CCDC33: variants seen among roughly 807,000 people sequenced by gnomAD.
CCDC33 encodes the protein coiled-coil domain-containing protein 33.
A neutral mutation model predicts 91.9 loss-of-function variants in CCDC33; 94 were observed. The observed-to-expected ratio is 1.02, with a 90% confidence interval of 0.87 to 1.21. The LOEUF is 1.21. Ranked by LOEUF, CCDC33 falls within the 50% of genes most tolerant of loss-of-function variation. The probability of loss-of-function intolerance (pLI) is 0.00; values close to 1 mark genes in which losing one functional copy is unlikely to be tolerated. For synonymous variants in CCDC33, 396 were observed against 374.5 expected, an observed-to-expected ratio of 1.06 and a Z score of -0.66; for missense variants, 940 against 935.5, an observed-to-expected ratio of 1.00 and a Z score of -0.06.
chr15:74,204,624 C>T (rs556003833), intron 1 of CCDC33, among the ~76,000 whole-genome samples: 1 of 152,348 alleles, frequency 6.6e-6, no homozygotes, highest in African/African-American at 2.4e-5. Flanking sequence ...GGTTAGACAT[C>T]CTTGCCTATC....
rs374176864 is a variant in CCDC33 at position 74,330,368 on chromosome 15, G to A, written c.1456+14G>A. ...CCCAGAACACGGGTGAGGATGTGCAGGCCACCAAGGGCACCCGGGCTTCTG... is the reference window on the plus strand; with the variant it reads ...CCCAGAACACGGGTGAGGATGTGCAAGCCACCAAGGGCACCCGGGCTTCTG... On this transcript the variant is annotated intron_variant, in intron 12 of 18. Coordinates refer to ENST00000398814, the MANE Select transcript of CCDC33 (RefSeq NM_025055.5). The A allele has an allele frequency of 7.7e-6, 12 of 1,558,716 alleles. No homozygotes were observed. Among genetic ancestry groups the A allele is most frequent in the Non-Finnish European group, 1.0e-5 (12 of 1,151,134 alleles).
At chr15:74,222,683 TA>T (rs759169875) in intron 2 of CCDC33, among the ~76,000 whole-genome samples, 1 of 152,080 alleles carries the variant, frequency 6.6e-6, no homozygotes, top group East Asian at 1.9e-4. Context: ...ACCCACTGGC[TA>T]GGGGGCTTTC....
chr15:74,244,020 C>G lies in CCDC33; in HGVS notation c.57C>G (p.Ser19=). 1 of 1,613,660 alleles carries G rather than the reference C, an allele frequency of 6.2e-7. No homozygotes were observed. The change falls in exon 2 of 19, where the codon TCC becomes TCG. Residue 19 remains serine (S), a synonymous_variant. Transcript: ENST00000398814. The surrounding 1 kb of genome is among the most constrained non-coding windows in gnomAD (Gnocchi z 4.2). ...TEDPEEPLIA[S]QSTEPEIGHL... is the part of the protein sequence containing the mutation. Reference sequence around the variant, plus strand: ...ACCCAGAGGAGCCCCTGATCGCCTCCCAGAGCACGGAACCTGAGATCGGTC... The same window carrying G: ...ACCCAGAGGAGCCCCTGATCGCCTCGCAGAGCACGGAACCTGAGATCGGTC...
At chr15:74,247,398 G>A (rs351149) in intron 2 of CCDC33, among the ~76,000 whole-genome samples, 3,669 of 136,174 alleles carry the variant, frequency 0.027, 154 homozygotes, top group African/African-American at 0.11. Flanking sequence ...ACACACACAC[G>A]TCATATACAT....
chr15:74,296,352 C>T (rs976585309), intron 11 of CCDC33, among the ~76,000 whole-genome samples: 5 of 152,182 alleles, frequency 3.3e-5, no homozygotes, highest in South Asian at 2.1e-4. Flanking sequence ...CAGCTGGGCA[C>T]GGTGGCTCAC....
chr15:74,285,514 C>T (rs1396128071), intron 10 of CCDC33, among the ~76,000 whole-genome samples: 2 of 152,232 alleles, frequency 1.3e-5, no homozygotes, highest in Middle Eastern at 3.4e-3. Flanking sequence ...CCCACATGAT[C>T]TCAACCTGCC....
intron 2 of CCDC33, among the ~76,000 whole-genome samples, chr15:74,254,981 C>A (rs2075817756): frequency 6.6e-6 from 1 of 152,234 alleles, no homozygotes; most frequent in South Asian, 2.1e-4. Context: ...CTCCTGATTG[C>A]AGGTGATCCA....
chr15:74,290,413 C>T (rs982949163), intron 10 of CCDC33, among the ~76,000 whole-genome samples: 5 of 152,184 alleles, frequency 3.3e-5, no homozygotes, highest in South Asian at 2.1e-4. Context: ...CCTGACCTCA[C>T]GATCCACCTG....
At chr15:74,250,305 A>G (rs1002222638) in intron 2 of CCDC33, among the ~76,000 whole-genome samples, 2 of 152,142 alleles carry the variant, frequency 1.3e-5, no homozygotes, top group East Asian at 3.9e-4. Context: ...CCCAAAGTAA[A>G]GAGGATTCCA....
At chr15:74,335,901 C>T (rs900802) in intron 18 of CCDC33, 24 bp from the exon 19 acceptor site, 1,037,079 of 1,591,958 alleles carry the variant, frequency 0.65, 345,074 homozygotes, top group Non-Finnish European at 0.69. Context: ...GGGGTACTCA[C>T]GCACCCCGCT....
chr15:74,261,781 A>G (rs2076031133), intron 2 of CCDC33, among the ~76,000 whole-genome samples: 1 of 152,160 alleles, frequency 6.6e-6, no homozygotes, highest in African/African-American at 2.4e-5. Flanking sequence ...GTCCTGAACA[A>G]TCTGAGTGCT....
In CCDC33 at chr15:74,262,420, C is replaced by G; in HGVS notation, c.186-20C>G. ...GACAGAACCCCTCCCTTTGACTCAC[C>G]CTGCCCCTGCTCTCCCCAGGAAAAG... On this transcript the variant is annotated intron_variant, in intron 2 of 18. Coordinates refer to ENST00000398814, the MANE Select transcript of CCDC33 (RefSeq NM_025055.5). The G allele has an allele frequency of 6.2e-7, 1 of 1,613,366 alleles. No homozygotes were observed. Among genetic ancestry groups the G allele is most frequent in the Non-Finnish European group, 8.5e-7 (1 of 1,179,562 alleles).
intron 10 of CCDC33, among the ~76,000 whole-genome samples, chr15:74,294,648 A>G (rs767391239): frequency 5.3e-5 from 8 of 151,718 alleles, no homozygotes; most frequent in Non-Finnish European, 1.2e-4. Flanking sequence ...TCAGGAGGCT[A>G]AGGCAGGAGA....
chr15:74,306,267 G>A (rs753430584), intron 11 of CCDC33, among the ~76,000 whole-genome samples: 1 of 152,124 alleles, frequency 6.6e-6, no homozygotes, highest in Non-Finnish European at 1.5e-5. Flanking sequence ...TGGGGCTCAG[G>A]GTCCTCAGGA....
rs75420461 is a variant in CCDC33, at chr15:74,283,402, G to A, written c.1095+1553G>A. On this transcript the variant is annotated intron_variant, in intron 10 of 18. Transcript: ENST00000398814. The stretch of plus-strand genomic sequence containing the variant: ...GGAGCGTCAGGTGCCCCTGGTCAGG[G>A]GACTGACTAGTGGGCCCAGGCAGGC... 6.2e-3 allele frequency among the ~76,000 whole-genome samples: 939 copies of A among 152,312 alleles called. 8 individuals are homozygous for A. The highest frequency in any genetic ancestry group is 0.058 in the Middle Eastern group (17 of 294).
chr15:74,223,352 T>C (rs1000583092), intron 2 of CCDC33, among the ~76,000 whole-genome samples: 3 of 152,152 alleles, frequency 2.0e-5, no homozygotes. Context: ...AGATCAGGAC[T>C]GCCAGCCCCT....
chr15:74,242,490 G>A (rs1844330138), intron 1 of CCDC33, among the ~76,000 whole-genome samples: 2 of 152,338 alleles, frequency 1.3e-5, no homozygotes, highest in African/African-American at 4.8e-5. Flanking sequence ...GGGTCTGACA[G>A]GCTGAGCTTT....
At chr15:74,282,126 G>C (rs1347968775) in intron 10 of CCDC33, among the ~76,000 whole-genome samples, 1 of 152,220 alleles carries the variant, frequency 6.6e-6, no homozygotes, top group African/African-American at 2.4e-5. Flanking sequence ...GGTTCTGCAA[G>C]GGTGAGCTAG....
chr15:74,208,347 G>C (rs2074309403), intron 1 of CCDC33, among the ~76,000 whole-genome samples: 1 of 152,144 alleles, frequency 6.6e-6, no homozygotes, highest in South Asian at 2.1e-4. Flanking sequence ...AGCTATAAGA[G>C]CCCCACGTTC....
Sources: allele counts gnomAD v4.1 joint callset (sites outside exome capture counted in the v4.1 genomes callset), GRCh38; gene constraint gnomAD v4.1.1; non-coding constraint Gnocchi (gnomAD v3.1); transcripts MANE v1.5; gene names NCBI Gene and HGNC (gene_info 2026-07-23, HGNC 2026-07-21).